Variants in MIS18BP1 observed in about 807,000 individuals in gnomAD.
MIS18BP1 encodes the protein MIS18 binding protein 1.
MIS18BP1 carries 72 observed loss-of-function variants against 116.1 expected under a neutral mutation model. The observed-to-expected ratio is 0.62, with a 90% CI of 0.51 to 0.75. MIS18BP1 has a LOEUF of 0.75. MIS18BP1 is among the 30% of genes least tolerant of loss of function. The probability of loss-of-function intolerance (pLI) is 0.00; values close to 1 mark genes in which losing one functional copy is unlikely to be tolerated. For synonymous variants in MIS18BP1, 386 were observed against 427.0 expected (o/e 0.90, Z 1.18); for missense variants, 1,363 against 1,303.2 (o/e 1.05, Z -0.71).
intron 14 of MIS18BP1, among the ~76,000 whole-genome samples, chr14:45,206,908 G>C (rs889533769): frequency 2.6e-5 from 4 of 151,998 alleles, no homozygotes; most frequent in African/African-American, 7.3e-5. Flanking sequence ...TTAAAGATAT[G>C]CCTGGTGATT....
chr14:45,236,762 C>A (rs1035107333), intron 5 of MIS18BP1, among the ~76,000 whole-genome samples: 1 of 152,124 alleles, frequency 6.6e-6, no homozygotes, highest in Non-Finnish European at 1.5e-5. Flanking sequence ...TAATCCTCAG[C>A]ACAACTAACT....
At chr14:45,243,531 GGAT>G (rs1333616137) in intron 2 of MIS18BP1, among the ~76,000 whole-genome samples, 1 of 151,746 alleles carries the variant, frequency 6.6e-6, no homozygotes, top group African/African-American at 2.4e-5. Context: ...CACAAAAAGG[GGAT>G]GATAATAGAC....
At chr14:45,228,146 G>A (rs1317488559) in intron 8 of MIS18BP1, among the ~76,000 whole-genome samples, 4 of 152,214 alleles carry the variant, frequency 2.6e-5, no homozygotes, top group African/African-American at 7.2e-5. Flanking sequence ...CTGGGTGACA[G>A]AGCAACACCC....
intron 11 of MIS18BP1, among the ~76,000 whole-genome samples, chr14:45,223,066 AAAAACAAAACAAAAC>A (rs79248229): frequency 4.6e-5 from 7 of 151,988 alleles, no homozygotes; most frequent in African/African-American, 7.2e-5. Flanking sequence ...GAGAAAAGAC[AAAAACAAAACAAAAC>A]AAAACAAAAC....
At chr14:45,238,647 T>A (rs1044798961) in intron 4 of MIS18BP1, among the ~76,000 whole-genome samples, 1 of 151,946 alleles carries the variant, frequency 6.6e-6, no homozygotes, top group African/African-American at 2.4e-5. Flanking sequence ...CTGGGCAACA[T>A]AGTAAGATTC....
Position 45,224,656 on chromosome 14 carries a change from T to C in MIS18BP1, c.1931A>G (p.Asn644Ser), listed in dbSNP as rs769321855. Reference protein sequence around the residue: ...SDEERKYMAINQKKAYILVTP... With the variant: ...SDEERKYMAISQKKAYILVTP... The stretch of plus-strand genomic sequence containing the variant: ...TACTAAAATATAAGCTTTCTTCTGA[T>C]TGATGGCCATGTATTTTCTTTCTTC... The change falls in exon 11 of 17, where the codon AAT (asparagine) becomes AGT (serine). Residue 644 changes from asparagine (N) to serine (S), a missense_variant. Coordinates refer to ENST00000310806, the MANE Select transcript of MIS18BP1 (RefSeq NM_018353.5). 2 of 1,613,166 alleles carry C rather than the reference T, an allele frequency of 1.2e-6. No individual in the cohort carries two copies. Among genetic ancestry groups the C allele is most frequent in the Admixed American group, 1.7e-5 (1 of 59,870 alleles).
At chr14:45,236,450 A>C (rs1891430962) in intron 5 of MIS18BP1, among the ~76,000 whole-genome samples, 1 of 152,244 alleles carries the variant, frequency 6.6e-6, no homozygotes, top group Non-Finnish European at 1.5e-5. Flanking sequence ...GTATCAAATC[A>C]CTGACCCATA....
chr14:45,222,604 TG>T (rs1178165083), intron 11 of MIS18BP1, among the ~76,000 whole-genome samples: 3 of 152,210 alleles, frequency 2.0e-5, no homozygotes, highest in Admixed American at 6.5e-5. Context: ...TTCCTGTGTG[TG>T]GGACACTGAG....
chr14:45,226,272 G>C (rs1891120332), intron 10 of MIS18BP1, among the ~76,000 whole-genome samples: 1 of 152,048 alleles, frequency 6.6e-6, no homozygotes, highest in East Asian at 1.9e-4. Context: ...TCACTTATAA[G>C]AGGAAATAAA....
chr14:45,213,681 T>C (rs964054236), intron 13 of MIS18BP1, among the ~76,000 whole-genome samples: 2 of 152,218 alleles, frequency 1.3e-5, no homozygotes, highest in African/African-American at 4.8e-5. Context: ...CACTTACTAT[T>C]ATGCTTAGCC....
chr14:45,250,720 T>C (rs373269849), intron 1 of MIS18BP1, among the ~76,000 whole-genome samples: 1 of 152,160 alleles, frequency 6.6e-6, no homozygotes, highest in South Asian at 2.1e-4. Context: ...GGGAAAACCA[T>C]TGGATGAAAG....
chr14:45,241,964 A>C (rs909666026), intron 4 of MIS18BP1, 70 bp downstream of exon 4: 1 of 1,472,606 alleles, frequency 6.8e-7, no homozygotes, highest in African/African-American at 1.4e-5. Flanking sequence ...ATGAGAGAAC[A>C]TTAAAAGCTC....
chr14:45,251,745 G>T (rs547829971), intron 1 of MIS18BP1, among the ~76,000 whole-genome samples: 3 of 152,154 alleles, frequency 2.0e-5, no homozygotes, highest in Non-Finnish European at 4.4e-5. Flanking sequence ...GACATGAAAG[G>T]TGATTAATAG....
At chr14:45,207,686 G>A (rs76805678) in intron 14 of MIS18BP1, among the ~76,000 whole-genome samples, 1 of 152,150 alleles carries the variant, frequency 6.6e-6, no homozygotes, top group East Asian at 1.9e-4. Context: ...AGTTGTTCAG[G>A]ATCAGCAACT....
At chr14:45,236,232 C>T (rs1891426187) in intron 5 of MIS18BP1, among the ~76,000 whole-genome samples, 1 of 152,212 alleles carries the variant, frequency 6.6e-6, no homozygotes, top group Admixed American at 6.5e-5. Context: ...TAAATACTTG[C>T]AGCTTCAGCT....
chr14:45,241,761 A>C (rs1891580322), intron 4 of MIS18BP1: 1 of 273,384 alleles, frequency 3.7e-6, no homozygotes, highest in South Asian at 6.6e-5. Flanking sequence ...CACCAAAAGG[A>C]ACAAGTAAAT....
At chr14:45,234,581 G>C (rs1234084501) in intron 6 of MIS18BP1, among the ~76,000 whole-genome samples, 1 of 152,144 alleles carries the variant, frequency 6.6e-6, no homozygotes, top group Non-Finnish European at 1.5e-5. Flanking sequence ...ATCTGAGAGA[G>C]GGTAAAAAGG....
At chr14:45,231,957 ACATTAGTATTTAATAACTG>A (rs1449244059) in intron 7 of MIS18BP1, among the ~76,000 whole-genome samples, 1 of 152,248 alleles carries the variant, frequency 6.6e-6, no homozygotes, top group African/African-American at 2.4e-5. Context: ...GAAGAACTGC[ACATTAGTATTTAATAACTG>A]CATGCCTTCT....
intron 1 of MIS18BP1, chr14:45,250,024 A>G (rs917958122): frequency 2.0e-5 from 3 of 152,236 alleles, no homozygotes; most frequent in Non-Finnish European, 4.4e-5. Context: ...CTGAAAACAG[A>G]ACCAACCTGT....
Sources: allele counts gnomAD v4.1 joint callset (sites outside exome capture counted in the v4.1 genomes callset), GRCh38; gene constraint gnomAD v4.1.1; transcripts MANE v1.5; gene names NCBI Gene and HGNC (gene_info 2026-07-23, HGNC 2026-07-21).